Variants in CNGA1 observed in about 807,000 individuals in gnomAD.
CNGA1 encodes the protein cyclic nucleotide gated channel subunit alpha 1, also known as cyclic nucleotide-gated channel alpha-1.
In CNGA1, 53 loss-of-function variants were observed where a neutral mutation model predicts 69.7. The ratio of observed to expected loss-of-function variants is 0.76; its 90% CI spans 0.61 to 0.96. CNGA1 has a LOEUF of 0.96. Among genes scored for constraint, CNGA1 ranks in the 40% least tolerant of loss-of-function variants. The probability of loss-of-function intolerance (pLI) is 0.00; values close to 1 mark genes in which losing one functional copy is unlikely to be tolerated. For synonymous variants in CNGA1, 249 were observed against 283.5 expected (o/e 0.88, Z 1.22); for missense variants, 739 against 811.2 (o/e 0.91, Z 1.08).
chr4:47,992,651 C>G (rs895760894), intron 2 of CNGA1, among the ~76,000 whole-genome samples: 7 of 116,504 alleles, frequency 6.0e-5, no homozygotes, highest in African/African-American at 2.0e-4. Context: ...GATTTGGATG[C>G]CATTTATTAT....
chr4:47,980,879 G>A (rs978849657), intron 3 of CNGA1, among the ~76,000 whole-genome samples: 9 of 47,702 alleles, frequency 1.9e-4, no homozygotes, highest in East Asian at 1.7e-3. Context: ...TTGTATCCTC[G>A]GGCGAGGCAC....
chr4:48,008,110 T>C (rs776683860), intron 2 of CNGA1, among the ~76,000 whole-genome samples: 7 of 152,280 alleles, frequency 4.6e-5, no homozygotes, highest in Non-Finnish European at 1.0e-4. Flanking sequence ...TTTTTTTACA[T>C]CAAACCAAGT....
intron 2 of CNGA1, among the ~76,000 whole-genome samples, chr4:47,998,693 G>T (rs533174865): frequency 6.6e-6 from 1 of 152,248 alleles, no homozygotes; most frequent in East Asian, 1.9e-4. Context: ...CAAGAGAATC[G>T]CTTGAACCTC....
intron 5 of CNGA1, among the ~76,000 whole-genome samples, chr4:47,951,130 T>A (rs3762858): frequency 6.6e-6 from 1 of 152,286 alleles, no homozygotes; most frequent in South Asian, 2.1e-4. Flanking sequence ...GATCCCACAT[T>A]GTGTGTAGAT....
At chr4:47,977,214 A>C (rs1367904768) in intron 3 of CNGA1, among the ~76,000 whole-genome samples, 1 of 152,206 alleles carries the variant, frequency 6.6e-6, no homozygotes, top group Admixed American at 6.5e-5. Flanking sequence ...AAGTGAGGCC[A>C]TTAGGCTGGA....
chr4:47,988,973 C>T (rs1742114452), intron 2 of CNGA1, among the ~76,000 whole-genome samples: 1 of 147,550 alleles, frequency 6.8e-6, no homozygotes, highest in Non-Finnish European at 1.5e-5. Context: ...TGCTATTGTT[C>T]TTAGTTTTAA....
In CNGA1 at chr4:47,992,786, C is replaced by T. The variant is rs998282490; in HGVS notation, c.-122-11286G>A. ...CTTGTTCCAGTTCTCAGAGGGAATA[C>T]TTTCAACTTTTCCCCATTCAGTATT... On this transcript the variant is annotated intron_variant, in intron 2 of 10. Transcript: ENST00000514170. 3.9e-5 allele frequency among the ~76,000 whole-genome samples: 6 copies of T among 152,112 alleles called. No homozygotes were observed. In the East Asian group the frequency reaches 1.2e-3, roughly 29 times the overall value.
At chr4:47,949,571 C>T (rs368923477) in intron 6 of CNGA1, among the ~76,000 whole-genome samples, 2 of 152,272 alleles carry the variant, frequency 1.3e-5, no homozygotes, top group East Asian at 1.9e-4. Context: ...TATTTCCTGA[C>T]AAAAATTCAC....
At chr4:48,004,638 A>G (rs1171376263) in intron 2 of CNGA1, among the ~76,000 whole-genome samples, 1 of 152,156 alleles carries the variant, frequency 6.6e-6, no homozygotes, top group Admixed American at 6.5e-5. Context: ...CTATAAAGAG[A>G]AAATAGGAGG....
chr4:47,971,615 G>C (rs976166731), intron 3 of CNGA1, among the ~76,000 whole-genome samples: 9 of 152,120 alleles, frequency 5.9e-5, no homozygotes, highest in Non-Finnish European at 1.2e-4. Flanking sequence ...ACCGTGGCCA[G>C]GCACGGTGGC....
At chr4:47,961,300 A>T (rs923806842) in intron 3 of CNGA1, among the ~76,000 whole-genome samples, 11 of 152,332 alleles carry the variant, frequency 7.2e-5, no homozygotes, top group African/African-American at 2.6e-4. Flanking sequence ...CAAGAAACAC[A>T]GGCTGCCTCT....
At chr4:47,945,446 A>G (rs1578070709) in intron 6 of CNGA1, among the ~76,000 whole-genome samples, 1 of 152,164 alleles carries the variant, frequency 6.6e-6, no homozygotes, top group East Asian at 1.9e-4. Context: ...TGGGGGAAAA[A>G]AGAATACTTA....
chr4:47,938,480 G>T (rs373296154), intron 10 of CNGA1, among the ~76,000 whole-genome samples: 18 of 150,708 alleles, frequency 1.2e-4, no homozygotes, highest in African/African-American at 3.7e-4. Flanking sequence ...TGCAACCTCC[G>T]CCTCTGGCTT....
intron 2 of CNGA1, among the ~76,000 whole-genome samples, chr4:47,994,295 T>C (rs1421706043): frequency 1.3e-5 from 2 of 152,178 alleles, no homozygotes; most frequent in African/African-American, 4.8e-5. Context: ...CCCACTACTA[T>C]GGTGTTGCTG....
chr4:47,981,384 G>C lies in CNGA1; in HGVS notation c.-15+9C>G, dbSNP rs1741704770. 6.6e-6 allele frequency: 1 copy of C among 152,106 alleles called. No individual in the cohort carries two copies. The highest frequency in any genetic ancestry group is 2.1e-4 in the South Asian group (1 of 4,820). 9.4% of individuals were successfully genotyped at this position (152,106 alleles called of 1,614,324 possible). A position where few individuals can be genotyped will look rare whatever the true frequency, so the allele number is the denominator to read the frequency against. On this transcript the variant is annotated intron_variant, in intron 3 of 10. Transcript: ENST00000514170. Reference sequence around the variant, plus strand: ...ATAACTCTAATTATCGTTATCACTGGGTTCTTACCTTTGGTTGTTTAAGTA... The same window carrying C: ...ATAACTCTAATTATCGTTATCACTGCGTTCTTACCTTTGGTTGTTTAAGTA...
chr4:47,967,286 G>A (rs933833518), intron 3 of CNGA1, among the ~76,000 whole-genome samples: 1 of 151,942 alleles, frequency 6.6e-6, no homozygotes, highest in African/African-American at 2.4e-5. Context: ...CTGGGCGACA[G>A]AACCAGATTC....
At chr4:47,962,043 G>A (rs1292416594) in intron 3 of CNGA1, among the ~76,000 whole-genome samples, 2 of 152,114 alleles carry the variant, frequency 1.3e-5, no homozygotes, top group Admixed American at 6.6e-5. Context: ...TCTGATTACA[G>A]ATTTTTAAAA....
chr4:47,939,336 C>T (rs142767043), intron 10 of CNGA1, among the ~76,000 whole-genome samples: 3 of 152,330 alleles, frequency 2.0e-5, no homozygotes, highest in East Asian at 1.9e-4. Flanking sequence ...GGGTGCCACA[C>T]CCCAATTCCA....
intron 1 of CNGA1, among the ~76,000 whole-genome samples, chr4:48,014,936 G>A (rs1715311618): frequency 6.6e-6 from 1 of 152,184 alleles, no homozygotes; most frequent in South Asian, 2.1e-4. Flanking sequence ...CCTTTGGGAG[G>A]CCGAGGTAGG....
Sources: allele counts gnomAD v4.1 joint callset (sites outside exome capture counted in the v4.1 genomes callset), GRCh38; gene constraint gnomAD v4.1.1; transcripts MANE v1.5; gene names NCBI Gene and HGNC (gene_info 2026-07-23, HGNC 2026-07-21).